SEMA5A: variants seen among roughly 807,000 people sequenced by gnomAD.
SEMA5A encodes semaphorin-5A.
SEMA5A carries 55 observed loss-of-function variants against 135.5 expected under a neutral mutation model. The observed-to-expected ratio is 0.41, with a 90% CI of 0.33 to 0.51. The LOEUF is 0.51. Among genes scored for constraint, SEMA5A ranks in the 20% least tolerant of loss-of-function variants. The probability of loss-of-function intolerance (pLI) is 0.37; values close to 1 mark genes in which losing one functional copy is unlikely to be tolerated. For synonymous variants in SEMA5A, 580 were observed against 546.5 expected, an observed-to-expected ratio of 1.06 and a Z score of -0.85; for missense variants, 1,290 against 1,419.9, an observed-to-expected ratio of 0.91 and a Z score of 1.47.
rs945266161 is a variant in SEMA5A at position 9,480,565 on chromosome 5, C to T, written c.-174-42713G>A. Among the ~76,000 whole-genome samples the T allele has an allele frequency of 1.4e-4, 22 of 152,288 alleles. No individual in the cohort carries two copies. The South Asian group carries it at 2.7e-3, about 19-fold the overall frequency. ...AACCCTGCCTTTGTGAGTATGAATA[C>T]GCCATGTCTATTCTTCAATTAACCA... is the stretch of plus-strand genomic sequence containing the variant. On this transcript the variant is annotated intron_variant, in intron 1 of 22. Coordinates refer to ENST00000382496, the MANE Select transcript of SEMA5A (RefSeq NM_003966.3).
intron 6 of SEMA5A, among the ~76,000 whole-genome samples, chr5:9,229,473 A>T (rs942380310): frequency 6.6e-6 from 1 of 152,160 alleles, no homozygotes; most frequent in Non-Finnish European, 1.5e-5. Context: ...ACGGGAGCCT[A>T]TAAAGGCAGG....
At chr5:9,082,252 G>T (rs953212369) in intron 16 of SEMA5A, among the ~76,000 whole-genome samples, 1 of 152,132 alleles carries the variant, frequency 6.6e-6, no homozygotes, top group South Asian at 2.1e-4. Context: ...AATGTAAACA[G>T]AATTCAAAAG....
chr5:9,513,284 C>G (rs1226042745), intron 1 of SEMA5A, among the ~76,000 whole-genome samples: 2 of 151,782 alleles, frequency 1.3e-5, no homozygotes, highest in African/African-American at 4.8e-5. Context: ...GAAAACTTTA[C>G]AGAGTGAAAA....
chr5:9,381,956 G>C (rs1432691015), intron 2 of SEMA5A, among the ~76,000 whole-genome samples: 1 of 123,538 alleles, frequency 8.1e-6, no homozygotes, highest in Non-Finnish European at 1.7e-5. Flanking sequence ...GTGTGTGTGT[G>C]TGTGTGTGTG....
chr5:9,124,686 C>A (rs1007792580), intron 13 of SEMA5A, among the ~76,000 whole-genome samples: 2 of 152,150 alleles, frequency 1.3e-5, no homozygotes, highest in Non-Finnish European at 2.9e-5. Flanking sequence ...GAACTACTGA[C>A]CTCAAATGAT....
intron 11 of SEMA5A, among the ~76,000 whole-genome samples, chr5:9,165,603 T>G (rs187991582): frequency 1.3e-5 from 2 of 152,336 alleles, no homozygotes; most frequent in East Asian, 3.9e-4. Context: ...TATTTCCAGT[T>G]GTGCATTTGG....
intron 12 of SEMA5A, among the ~76,000 whole-genome samples, chr5:9,146,489 A>C (rs1243824367): frequency 1.3e-5 from 2 of 152,228 alleles, no homozygotes; most frequent in Non-Finnish European, 2.9e-5. Context: ...TGGAAATTGA[A>C]AATTAGAACA....
At chr5:9,082,039 T>A (rs1165093519) in intron 16 of SEMA5A, among the ~76,000 whole-genome samples, 1 of 152,242 alleles carries the variant, frequency 6.6e-6, no homozygotes. Context: ...TGATCAGAGC[T>A]GCTCTTGGAG....
intron 6 of SEMA5A, among the ~76,000 whole-genome samples, chr5:9,235,419 T>C (rs72741959): frequency 0.046 from 7,066 of 152,292 alleles, 226 homozygotes; most frequent in Non-Finnish European, 0.069. Flanking sequence ...ATAGCTGCCA[T>C]GTCAAAGCAT....
chr5:9,370,894 A>G (rs1291547155), intron 3 of SEMA5A, among the ~76,000 whole-genome samples: 1 of 152,236 alleles, frequency 6.6e-6, no homozygotes, highest in African/African-American at 2.4e-5. Flanking sequence ...TGTACATAAA[A>G]TAAGGATTTT....
At chr5:9,356,297 GAAGA>G (rs1295492394) in intron 3 of SEMA5A, among the ~76,000 whole-genome samples, 1 of 152,196 alleles carries the variant, frequency 6.6e-6, no homozygotes, top group Non-Finnish European at 1.5e-5. Flanking sequence ...TATATTAGAA[GAAGA>G]AAGGGTTGGT....
At chr5:9,484,339 A>C (rs1198081814) in intron 1 of SEMA5A, among the ~76,000 whole-genome samples, 1 of 152,206 alleles carries the variant, frequency 6.6e-6, no homozygotes, top group African/African-American at 2.4e-5. Flanking sequence ...AGTCAGAATA[A>C]TAAAAAGAAA....
In SEMA5A at chr5:9,064,340, G is replaced by A. The variant is rs545761270; in HGVS notation, c.2300-1235C>T. 1.4e-3 allele frequency among the ~76,000 whole-genome samples: 215 copies of A among 152,192 alleles called. 1 individual carries two copies. Among genetic ancestry groups the A allele is most frequent in the African/African-American group, 4.8e-3 (200 of 41,548 alleles). ...GATACAGAAGAATAAAACTCTATGC[G>A]CACGTATGTTTATGGAGGCACTATT... On this transcript the variant is annotated intron_variant, in intron 17 of 22. Transcript: ENST00000382496.
At chr5:9,379,613 G>C (rs973188753) in intron 3 of SEMA5A, among the ~76,000 whole-genome samples, 1 of 152,174 alleles carries the variant, frequency 6.6e-6, no homozygotes. Flanking sequence ...GGTAATCCCT[G>C]TCTTAGATCC....
intron 1 of SEMA5A, among the ~76,000 whole-genome samples, chr5:9,540,949 G>T (rs1738050036): frequency 6.6e-6 from 1 of 152,184 alleles, no homozygotes; most frequent in Admixed American, 6.5e-5. Context: ...TGATTCAGGA[G>T]AATAGAAGTT....
chr5:9,465,745 T>C (rs1319467631), intron 1 of SEMA5A, among the ~76,000 whole-genome samples: 1 of 152,218 alleles, frequency 6.6e-6, no homozygotes, highest in Non-Finnish European at 1.5e-5. Context: ...CAATCCCCCA[T>C]GGATACAGAG....
intron 8 of SEMA5A, among the ~76,000 whole-genome samples, chr5:9,217,049 T>C (rs1442573475): frequency 6.6e-6 from 1 of 152,294 alleles, no homozygotes; most frequent in South Asian, 2.1e-4. Context: ...TTATGTTGGC[T>C]TGCTTGTGTG....
intron 15 of SEMA5A, among the ~76,000 whole-genome samples, chr5:9,109,028 ATTTTTTTTTTTTTTTTTT>A (rs67762219): frequency 1.1e-5 from 1 of 92,440 alleles, no homozygotes; most frequent in African/African-American, 4.6e-5. Context: ...TTTCTCTTCA[ATTTTTTTTTTTTTTTTTT>A]TTTTTTTTTT....
At chr5:9,306,421 G>T (rs1015212382) in intron 5 of SEMA5A, among the ~76,000 whole-genome samples, 1 of 151,716 alleles carries the variant, frequency 6.6e-6, no homozygotes, top group African/African-American at 2.4e-5. Flanking sequence ...TGTCTAATCT[G>T]CTGTTAAAAT....
Sources: allele counts gnomAD v4.1 joint callset (sites outside exome capture counted in the v4.1 genomes callset), GRCh38; gene constraint gnomAD v4.1.1; transcripts MANE v1.5; gene names NCBI Gene and HGNC (gene_info 2026-07-23, HGNC 2026-07-21).